Variants in SMG1 observed in about 807,000 individuals in gnomAD.
The protein encoded by SMG1 is SMG1 nonsense mediated mRNA decay associated PI3K related kinase.
Under a neutral mutation model 419.9 loss-of-function variants are expected in SMG1, and 22 were observed. The observed-to-expected ratio is 0.05, with a 90% CI of 0.04 to 0.07. The LOEUF (loss-of-function observed/expected upper bound fraction) is 0.07. Among genes scored for constraint, SMG1 ranks in the 10% least tolerant of loss-of-function variants. SMG1 has a pLI of 1.00. For synonymous variants in SMG1, 1,538 were observed against 1,553.5 expected (o/e 0.99, Z 0.23); for missense variants, 3,185 against 4,342.0 (o/e 0.73, Z 7.49).
chr16:18,852,242 C>T (rs1162731095), intron 32 of SMG1, 37 bp from the exon 33 acceptor site: 1 of 1,606,102 alleles, frequency 6.2e-7, no homozygotes, highest in East Asian at 2.2e-5. Context: ...TTTCAGCTAC[C>T]CAAACTTTAC....
intron 55 of SMG1, among the ~76,000 whole-genome samples, chr16:18,827,781 A>G (rs1784285621): frequency 6.9e-6 from 1 of 145,944 alleles, no homozygotes; most frequent in South Asian, 2.1e-4. Flanking sequence ...CTAAATATAT[A>G]TTTTATATAT....
rs759722905 is a variant in SMG1, at chr16:18,836,230, TA to T, written c.7778-19del. ...TGGAGGACCTTTTGGTAAAAGACAT[TA>T]TTAAACACAGTAAAACAGGGTCAAG... is the stretch of plus-strand genomic sequence containing the variant. On this transcript the variant is annotated intron_variant, in intron 47 of 62. Coordinates refer to ENST00000446231, the MANE Select transcript of SMG1 (RefSeq NM_015092.5). The T allele has an allele frequency of 1.1e-5, 17 of 1,607,884 alleles. No individual in the cohort carries two copies. The Middle Eastern group carries it at 8.3e-4, about 78-fold the overall frequency.
chr16:18,816,799 T>C lies in SMG1; in HGVS notation c.10075-270A>G, dbSNP rs148476654. The stretch of plus-strand genomic sequence containing the variant: ...AGAAATACATTCGGAATCACAAAGA[T>C]GACTGGCAATCCAGGTCCCTAAATT... On this transcript the variant is annotated intron_variant, in intron 57 of 62. Transcript: ENST00000446231. Among the ~76,000 whole-genome samples, 107 of 152,318 alleles carry C rather than the reference T, an allele frequency of 7.0e-4. 2 individuals carry two copies. In the East Asian group the frequency reaches 0.016, roughly 23 times the overall value.
intron 1 of SMG1, among the ~76,000 whole-genome samples, chr16:18,921,355 G>GAAAGA (rs764381974): frequency 4.6e-5 from 7 of 151,736 alleles, no homozygotes; most frequent in East Asian, 1.9e-4. Context: ...CAAAACAGAG[G>GAAAGA]AAAGAAAAGA....
At chr16:18,895,811 G>A (rs1266903280) in intron 3 of SMG1, among the ~76,000 whole-genome samples, 3 of 152,066 alleles carry the variant, frequency 2.0e-5, no homozygotes, top group Non-Finnish European at 4.4e-5. Flanking sequence ...CAATATCCAC[G>A]ATAATTGGGT....
intron 1 of SMG1, chr16:18,925,537 C>G (rs1470326605): frequency 5.6e-6 from 1 of 179,456 alleles, no homozygotes; most frequent in Non-Finnish European, 1.2e-5. Flanking sequence ...GAAGAGCTCT[C>G]ACGTGGCGGC....
Position 18,839,074 on chromosome 16 carries a change from G to A in SMG1, c.6946-385C>T, listed in dbSNP as rs562836386. 1.1e-4 allele frequency among the ~76,000 whole-genome samples: 17 copies of A among 152,170 alleles called. No individual in the cohort carries two copies. In the East Asian group the frequency reaches 2.1e-3, roughly 19 times the overall value. On this transcript the variant is annotated intron_variant, in intron 42 of 62. Coordinates refer to ENST00000446231, the MANE Select transcript of SMG1 (RefSeq NM_015092.5). ...TTGGGCAGGCTGGTCTCAAACTCCC[G>A]ACCTCAGATGATCCACCCACCACAG...
chr16:18,851,519 T>C (rs956330242), intron 33 of SMG1, among the ~76,000 whole-genome samples: 7 of 152,344 alleles, frequency 4.6e-5, no homozygotes, highest in African/African-American at 1.7e-4. Context: ...CTGATAAAAG[T>C]AATTAAAAAA....
chr16:18,903,934 CTTTTTTTTTTTTT>C (rs71141091), intron 1 of SMG1, among the ~76,000 whole-genome samples: 1 of 99,876 alleles, frequency 1.0e-5, no homozygotes, highest in African/African-American at 4.1e-5. Flanking sequence ...TATGTCTTGT[CTTTTTTTTTTTTT>C]TTTTTTTTGA....
At chr16:18,867,314 A>T (rs2035565931) in intron 22 of SMG1, among the ~76,000 whole-genome samples, 2 of 152,060 alleles carry the variant, frequency 1.3e-5, no homozygotes, top group African/African-American at 2.4e-5. Flanking sequence ...TGGGCAGATC[A>T]CTTGTGGTCA....
At chr16:18,843,361 G>T (rs2034035166) in intron 39 of SMG1, among the ~76,000 whole-genome samples, 1 of 152,134 alleles carries the variant, frequency 6.6e-6, no homozygotes. Flanking sequence ...ACCACTTGAG[G>T]TTTGCAGAAA....
At chr16:18,899,466 A>G (rs1199127586) in intron 1 of SMG1, among the ~76,000 whole-genome samples, 1 of 152,178 alleles carries the variant, frequency 6.6e-6, no homozygotes, top group Non-Finnish European at 1.5e-5. Context: ...TGATCAAAGC[A>G]TCCCCAACCA....
At chr16:18,878,451 T>C (rs1267548045) in intron 11 of SMG1, 5 of 151,172 alleles carry the variant, frequency 3.3e-5, no homozygotes, top group Admixed American at 6.6e-5. Context: ...CTCCAAAAAA[T>C]ACAAAGGTTA....
At chr16:18,915,305 C>T (rs1326022674) in intron 1 of SMG1, among the ~76,000 whole-genome samples, 1 of 152,054 alleles carries the variant, frequency 6.6e-6, no homozygotes, top group Admixed American at 6.6e-5. Flanking sequence ...GTAAAAAGAT[C>T]TGGCCACTCC....
intron 1 of SMG1, among the ~76,000 whole-genome samples, chr16:18,917,170 G>C (rs1022133552): frequency 6.6e-6 from 1 of 151,690 alleles, no homozygotes; most frequent in East Asian, 1.9e-4. Flanking sequence ...TTTATTTTTT[G>C]AGACAGAGTT....
At chr16:18,844,452 A>ACCCCCC in intron 39 of SMG1, among the ~76,000 whole-genome samples, 1 of 10,238 alleles carries the variant, frequency 9.8e-5, no homozygotes, top group Non-Finnish European at 1.7e-4. Flanking sequence ...CAAACAAACA[A>ACCCCCC]CACCCCCCCC....
intron 1 of SMG1, among the ~76,000 whole-genome samples, chr16:18,914,482 A>G (rs992773525): frequency 2.0e-5 from 3 of 152,012 alleles, no homozygotes; most frequent in African/African-American, 7.2e-5. Context: ...CAGGAGTTCA[A>G]GACCAGCCTG....
chr16:18,808,943 T>TC lies in SMG1; in HGVS notation c.*625dup, dbSNP rs770554760. The TC allele has an allele frequency of 2.6e-5, 4 of 152,592 alleles. No individual in the cohort carries two copies. Among genetic ancestry groups the TC allele is most frequent in the Non-Finnish European group, 5.9e-5 (4 of 68,034 alleles). 9.5% of individuals were successfully genotyped at this position (152,592 alleles called of 1,614,324 possible). ...GTAGGGAACGATGGGGTGGTTTTTT[T>TC]CCCTTCATTTCAGAAGTAAGTTCTT... On this transcript the variant is annotated 3_prime_UTR_variant, in exon 63 of 63. Transcript: ENST00000446231.
chr16:18,898,403 T>C (rs928659463), intron 1 of SMG1, among the ~76,000 whole-genome samples: 1 of 150,984 alleles, frequency 6.6e-6, no homozygotes, highest in Non-Finnish European at 1.5e-5. Context: ...ATAAAATCTA[T>C]GGAATTTCAA....
Sources: allele counts gnomAD v4.1 joint callset (sites outside exome capture counted in the v4.1 genomes callset), GRCh38; gene constraint gnomAD v4.1.1; transcripts MANE v1.5; gene names NCBI Gene and HGNC (gene_info 2026-07-23, HGNC 2026-07-21).